UBASH3A: variants seen among roughly 807,000 people sequenced by gnomAD.
The protein encoded by UBASH3A is ubiquitin-associated and SH3 domain-containing protein A.
In UBASH3A, 63 loss-of-function variants were observed where a neutral mutation model predicts 73.5. That is an observed-to-expected ratio of 0.86 (90% CI 0.70 to 1.06). The LOEUF is 1.06. Among genes scored for constraint, UBASH3A ranks in the 50% least tolerant of loss-of-function variants. The probability of loss-of-function intolerance (pLI) is 0.00; values close to 1 mark genes in which losing one functional copy is unlikely to be tolerated. For synonymous variants in UBASH3A, 363 were observed against 351.1 expected (o/e 1.03, Z -0.38); for missense variants, 860 against 859.0 (o/e 1.00, Z -0.02).
intron 1 of UBASH3A, among the ~76,000 whole-genome samples, chr21:42,406,075 G>A (rs117834816): frequency 0.051 from 7,756 of 151,660 alleles, 292 homozygotes; most frequent in East Asian, 0.15. Context: ...GGGCTGAAGC[G>A]GGTAGCCAGG....
chr21:42,441,930 C>T (rs2839516), intron 11 of UBASH3A, among the ~76,000 whole-genome samples: 105,867 of 152,082 alleles, frequency 0.7, 37,120 homozygotes, highest in Non-Finnish European at 0.73. Context: ...TATAAAATGC[C>T]TGGGAAATGT....
chr21:42,441,947 C>T (rs1350041481), intron 11 of UBASH3A, among the ~76,000 whole-genome samples: 2 of 152,158 alleles, frequency 1.3e-5, no homozygotes, highest in Non-Finnish European at 2.9e-5. Flanking sequence ...ATGTGAGTTG[C>T]AGGGAGTCAG....
intron 8 of UBASH3A, among the ~76,000 whole-genome samples, chr21:42,429,051 G>A (rs372354082): frequency 3.0e-4 from 45 of 152,180 alleles, no homozygotes; most frequent in African/African-American, 1.0e-3. Context: ...TCACAAGTGT[G>A]CTGATGAGAG....
At position 42,406,350 on chromosome 21, in the gene UBASH3A, G is replaced by A; in HGVS notation, c.156G>A (p.Glu52=). ...CCACGGGGAGGAAGACGGCGGAGGA[G>A]GCCTTGGCCTGGTGAGTGCAGCTGC... is the stretch of plus-strand genomic sequence containing the variant. The part of the protein sequence containing the change: ...LAATGRKTAE[E]ALAWLHDHCN... The change falls in exon 2 of 15, where the codon GAG becomes GAA. Residue 52 remains glutamate (E), a synonymous_variant. Transcript: ENST00000319294. 6.2e-7 allele frequency: 1 copy of A among 1,614,034 alleles called. No individual in the cohort carries two copies. Among genetic ancestry groups the A allele is most frequent in the Non-Finnish European group, 8.5e-7 (1 of 1,179,870 alleles).
chr21:42,444,192 TTC>T (rs1347473634), intron 13 of UBASH3A, among the ~76,000 whole-genome samples: 2 of 152,148 alleles, frequency 1.3e-5, no homozygotes, highest in African/African-American at 4.8e-5. Flanking sequence ...CGGCTGACCT[TTC>T]TAAAGTGAAT....
chr21:42,418,728 T>G, intron 7 of UBASH3A, 119 bp downstream of exon 7: 1 of 932,370 alleles, frequency 1.1e-6, no homozygotes, highest in Non-Finnish European at 1.6e-6. Context: ...GCATTCTGTA[T>G]GCTGACAAAA....
At position 42,434,721 on chromosome 21, in the gene UBASH3A, A is replaced by G. The variant is rs963987511; in HGVS notation, c.1271-111A>G. The G allele has an allele frequency of 1.1e-5, 14 of 1,237,478 alleles. No individual in the cohort carries two copies. In the African/African-American group the frequency reaches 1.8e-4, roughly 16 times the overall value. The allele number at this position is 1,237,478 out of a possible 1,614,324, so 76.7% of individuals were successfully genotyped here. On this transcript the variant is annotated intron_variant, in intron 9 of 14. Transcript: ENST00000319294. ...GTTCAGAAACAACACAGTTGACAAT[A>G]ATTTCAATAATAACATTGCTGTTAG...
In UBASH3A at chr21:42,426,835, C is replaced by T. The variant is rs565617958; in HGVS notation, c.1170+15C>T. On this transcript the variant is annotated intron_variant, in intron 8 of 14. Transcript: ENST00000319294. ...AGGCCTTGCAGGTAATAGAACATTC[C>T]CTTTTTTCTTTTAAGTAAACTAAGC... 59 of 1,611,168 alleles carry T rather than the reference C, an allele frequency of 3.7e-5. No homozygotes were observed. In the South Asian group the frequency reaches 6.4e-4, roughly 17 times the overall value.
rs777192863 is a variant in UBASH3A at position 42,434,868 on chromosome 21, G to A, written c.1307G>A (p.Ser436Asn). The part of the protein sequence containing the change: ...YYRPDLNFPC[S>N]LPRRSRGIKD... The stretch of plus-strand genomic sequence containing the variant: ...AGGCCAGACCTGAATTTCCCCTGCA[G>A]TCTGCCAAGACGGAGTCGTGGGATC... The change falls in exon 10 of 15, where the codon AGT becomes AAT. Residue 436 changes from serine (S) to asparagine (N), a missense_variant. Coordinates refer to ENST00000319294, the MANE Select transcript of UBASH3A (RefSeq NM_018961.4). The A allele has an allele frequency of 6.2e-7, 1 of 1,614,180 alleles. No individual in the cohort carries two copies. The highest frequency in any genetic ancestry group is 2.2e-5 in the East Asian group (1 of 44,894).
intron 6 of UBASH3A, among the ~76,000 whole-genome samples, chr21:42,416,977 C>A (rs7277004): frequency 0.18 from 27,505 of 151,906 alleles, 3,247 homozygotes; most frequent in African/African-American, 0.33. Flanking sequence ...ACAGCATGTA[C>A]CCCCTGGAGC....
intron 2 of UBASH3A, among the ~76,000 whole-genome samples, chr21:42,407,581 C>T (rs981172092): frequency 6.6e-6 from 1 of 152,200 alleles, no homozygotes; most frequent in Non-Finnish European, 1.5e-5. Flanking sequence ...CACTAGTAAC[C>T]AGGGAGGTGG....
At chr21:42,440,743 C>T (rs2053726153) in intron 11 of UBASH3A, among the ~76,000 whole-genome samples, 1 of 152,224 alleles carries the variant, frequency 6.6e-6, no homozygotes, top group Non-Finnish European at 1.5e-5. Context: ...TGCAAGTTTC[C>T]CTTCTAGTGA....
chr21:42,418,880 AC>A (rs2053277618), intron 7 of UBASH3A, among the ~76,000 whole-genome samples: 1 of 152,226 alleles, frequency 6.6e-6, no homozygotes, highest in African/African-American at 2.4e-5. Flanking sequence ...CTTCTTTATC[AC>A]ACACATAATA....
intron 2 of UBASH3A, among the ~76,000 whole-genome samples, chr21:42,406,591 C>T (rs1402894491): frequency 6.6e-6 from 1 of 152,200 alleles, no homozygotes; most frequent in African/African-American, 2.4e-5. Flanking sequence ...CTGAACAAGG[C>T]TTTCTTCACT....
chr21:42,437,667 T>C, intron 11 of UBASH3A, 87 bp downstream of exon 11: 2 of 1,223,172 alleles, frequency 1.6e-6, no homozygotes, highest in East Asian at 2.3e-5. Context: ...GGAGGTGGAA[T>C]TGGATGACTG....
intron 11 of UBASH3A, among the ~76,000 whole-genome samples, chr21:42,439,266 T>C (rs1040277884): frequency 6.6e-6 from 1 of 152,110 alleles, no homozygotes; most frequent in African/African-American, 2.4e-5. Flanking sequence ...CGATCCACCT[T>C]CCACACACTT....
chr21:42,423,385 C>G (rs996065659), intron 7 of UBASH3A, among the ~76,000 whole-genome samples: 4 of 152,220 alleles, frequency 2.6e-5, no homozygotes, highest in African/African-American at 9.6e-5. Flanking sequence ...AAGACTCGGG[C>G]CCAGGAGGCC....
intron 9 of UBASH3A, among the ~76,000 whole-genome samples, chr21:42,434,594 T>A (rs973686763): frequency 6.6e-6 from 1 of 152,240 alleles, no homozygotes; most frequent in Admixed American, 6.5e-5. Flanking sequence ...GAGGGTTGCA[T>A]AGTTCCTGGG....
intron 5 of UBASH3A, among the ~76,000 whole-genome samples, chr21:42,414,167 T>G (rs2053157457): frequency 6.6e-6 from 1 of 152,142 alleles, no homozygotes; most frequent in Admixed American, 6.5e-5. Flanking sequence ...GAGGCCGCAG[T>G]GCCTTGGTGG....
Sources: allele counts gnomAD v4.1 joint callset (sites outside exome capture counted in the v4.1 genomes callset), GRCh38; gene constraint gnomAD v4.1.1; transcripts MANE v1.5; gene names NCBI Gene and HGNC (gene_info 2026-07-23, HGNC 2026-07-21).